Variants in AIG1 observed in about 807,000 individuals in gnomAD.
AIG1 encodes the protein androgen induced 1.
Under a neutral mutation model 31.4 loss-of-function variants are expected in AIG1, and 23 were observed. The observed-to-expected ratio is 0.73, with a 90% CI of 0.53 to 1.04. The LOEUF (loss-of-function observed/expected upper bound fraction) is 1.04, where lower values mean the gene tolerates loss of function less well. Ranked by LOEUF, AIG1 falls within the 50% of genes least tolerant of loss-of-function variation. AIG1 has a pLI of 0.00. For synonymous variants in AIG1, 100 were observed against 110.5 expected (o/e 0.90, Z 0.60); for missense variants, 274 against 295.0 (o/e 0.93, Z 0.52).
At chr6:143,191,930 T>C (rs1236861441) in intron 3 of AIG1, among the ~76,000 whole-genome samples, 1 of 148,092 alleles carries the variant, frequency 6.8e-6, no homozygotes, top group Non-Finnish European at 1.5e-5. Flanking sequence ...AGTTTTGTTA[T>C]ATAAGTGGTA....
chr6:143,185,972 T>A (rs1468472929), intron 3 of AIG1, among the ~76,000 whole-genome samples: 1 of 152,186 alleles, frequency 6.6e-6, no homozygotes, highest in Non-Finnish European at 1.5e-5. Flanking sequence ...ATAGAACCCT[T>A]GTCAAGCTGA....
intron 3 of AIG1, among the ~76,000 whole-genome samples, chr6:143,276,061 G>A (rs1013534987): frequency 2.0e-5 from 3 of 152,122 alleles, no homozygotes; most frequent in African/African-American, 7.2e-5. Flanking sequence ...AGCACCTCCT[G>A]GGTGTCCTCA....
chr6:143,258,070 C>G lies in AIG1; in HGVS notation c.400-26040C>G, dbSNP rs146209227. On this transcript the variant is annotated intron_variant, in intron 3 of 5. Transcript: ENST00000357847. The surrounding 1 kb of genome is among the most constrained non-coding windows in gnomAD (Gnocchi z 4.7). The stretch of plus-strand genomic sequence containing the variant: ...GCCTGTTATAAGCCAACCTGATGCC[C>G]AGAGTCCTCCAATTGAATCCATGGT... Among the ~76,000 whole-genome samples the G allele has an allele frequency of 7.8e-3, 1,193 of 152,282 alleles. 12 individuals carry two copies. The highest frequency in any genetic ancestry group is 0.027 in the African/African-American group (1,131 of 41,556).
At chr6:143,343,589 G>A (rs1002306977), downstream of AIG1, among the ~76,000 whole-genome samples, 5 of 152,086 alleles carry the variant, frequency 3.3e-5, no homozygotes, top group East Asian at 1.9e-4. Context: ...CATCTAGTTC[G>A]TAAAAAATAA....
chr6:143,241,232 A>G (rs1794212729), intron 3 of AIG1, among the ~76,000 whole-genome samples: 1 of 152,242 alleles, frequency 6.6e-6, no homozygotes, highest in South Asian at 2.1e-4. Flanking sequence ...GGAAAGAAAC[A>G]AGCCCTGGGA....
At chr6:143,143,033 C>T (rs1435606697) in intron 2 of AIG1, among the ~76,000 whole-genome samples, 4 of 151,968 alleles carry the variant, frequency 2.6e-5, no homozygotes, top group Non-Finnish European at 5.9e-5. Flanking sequence ...AGTTTCATTA[C>T]TGATTTTTAA....
At position 143,299,032 on chromosome 6, in the gene AIG1, G is replaced by T. The variant is rs1003478137; in HGVS notation, c.515+14807G>T. 3.9e-5 allele frequency: 6 copies of T among 152,110 alleles called. No homozygotes were observed. Among genetic ancestry groups the T allele is most frequent in the Non-Finnish European group, 8.8e-5 (6 of 68,042 alleles). The allele number at this position is 152,110 out of a possible 1,614,324, so 9.4% of individuals were successfully genotyped here. On this transcript the variant is annotated intron_variant, in intron 4 of 5. Transcript: ENST00000357847. The surrounding 1 kb of genome is among the most constrained non-coding windows in gnomAD (Gnocchi z 4.1). The stretch of plus-strand genomic sequence containing the variant: ...TTCTAATATAAGCATCACATCTCAT[G>T]GGTGACATGGAAGTGCTATCTTGAG...
In AIG1 at chr6:143,258,538, T is replaced by G. The variant is rs1795523382; in HGVS notation, c.400-25572T>G. On this transcript the variant is annotated intron_variant, in intron 3 of 5. Coordinates refer to ENST00000357847, the MANE Select transcript of AIG1 (RefSeq NM_016108.4). The surrounding 1 kb of genome is among the most constrained non-coding windows in gnomAD (Gnocchi z 4.7). ...TTTTCTTCTTGCAAATGCTTCTGAC[T>G]GCAGCCTCTGCCAGCTAATGGAGGT... is the stretch of plus-strand genomic sequence containing the variant. Among the ~76,000 whole-genome samples the G allele has an allele frequency of 6.6e-6, 1 of 152,236 alleles. No individual in the cohort carries two copies. Among genetic ancestry groups the G allele is most frequent in the African/African-American group, 2.4e-5 (1 of 41,454 alleles).
At chr6:143,341,821 G>A (rs560141477), downstream of AIG1, among the ~76,000 whole-genome samples, 40 of 152,356 alleles carry the variant, frequency 2.6e-4, 1 homozygote, top group African/African-American at 9.1e-4. Context: ...ATAAATTATT[G>A]TAAGCTTACT....
chr6:143,318,174 A>C (rs1775919800), intron 4 of AIG1, among the ~76,000 whole-genome samples: 1 of 151,262 alleles, frequency 6.6e-6, no homozygotes, highest in South Asian at 2.1e-4. Flanking sequence ...AACCAAAAAA[A>C]TGCAAGACTA....
chr6:143,161,035 T>A (rs1001379181), intron 2 of AIG1, among the ~76,000 whole-genome samples: 1 of 152,188 alleles, frequency 6.6e-6, no homozygotes, highest in Non-Finnish European at 1.5e-5. Flanking sequence ...GATATGTTAG[T>A]AAATATTTAA....
At chr6:143,277,312 T>C (rs1797007168) in intron 3 of AIG1, among the ~76,000 whole-genome samples, 1 of 152,230 alleles carries the variant, frequency 6.6e-6, no homozygotes, top group Non-Finnish European at 1.5e-5. Flanking sequence ...CTTTTCATAC[T>C]ATTCTTATTT....
intron 3 of AIG1, chr6:143,190,305 C>G (rs1789673068): frequency 1.0e-6 from 1 of 985,292 alleles, no homozygotes; most frequent in African/African-American, 1.7e-5. Flanking sequence ...AATAAAAAGA[C>G]AAGGCCCAGG....
At chr6:143,134,289 T>G (rs1783528821) in intron 1 of AIG1, among the ~76,000 whole-genome samples, 1 of 151,982 alleles carries the variant, frequency 6.6e-6, no homozygotes, top group Non-Finnish European at 1.5e-5. Context: ...ATGTTATTAA[T>G]TCCCATGCAT....
At chr6:143,269,402 TTGACTC>T (rs1796352938) in intron 3 of AIG1, among the ~76,000 whole-genome samples, 1 of 152,202 alleles carries the variant, frequency 6.6e-6, no homozygotes, top group Non-Finnish European at 1.5e-5. Flanking sequence ...GGAAAACTCT[TTGACTC>T]TGTCTGTTAA....
intron 4 of AIG1, among the ~76,000 whole-genome samples, chr6:143,307,832 G>C (rs1254225867): frequency 6.6e-6 from 1 of 152,240 alleles, no homozygotes; most frequent in Non-Finnish European, 1.5e-5. Flanking sequence ...AGGCAGGCAG[G>C]CCTCCCTGAG....
At chr6:143,290,721 T>C (rs1308645033) in intron 4 of AIG1, among the ~76,000 whole-genome samples, 1 of 152,140 alleles carries the variant, frequency 6.6e-6, no homozygotes, top group Admixed American at 6.5e-5. Context: ...CGACTGACCA[T>C]CACCTGATGG....
At chr6:143,187,141 C>T (rs1435668251) in intron 3 of AIG1, among the ~76,000 whole-genome samples, 1 of 152,088 alleles carries the variant, frequency 6.6e-6, no homozygotes, top group Non-Finnish European at 1.5e-5. Context: ...ATTTGTACTC[C>T]TAACAAAAAA....
At position 143,329,176 on chromosome 6, in the gene AIG1, A is replaced by G. The variant is rs1776869955; in HGVS notation, c.516-4106A>G. The stretch of plus-strand genomic sequence containing the variant: ...TAACAAGTTAAGAAAACCAAACCAA[A>G]ACAAACAAGAAACGCTCAATTCCAT... On this transcript the variant is annotated intron_variant, in intron 4 of 5. Coordinates refer to ENST00000357847, the MANE Select transcript of AIG1 (RefSeq NM_016108.4). The surrounding 1 kb of genome is among the most constrained non-coding windows in gnomAD (Gnocchi z 4.9). Among the ~76,000 whole-genome samples the G allele has an allele frequency of 6.6e-6, 1 of 152,250 alleles. No homozygotes were observed. The highest frequency in any genetic ancestry group is 1.5e-5 in the Non-Finnish European group (1 of 68,032).
Sources: allele counts gnomAD v4.1 joint callset (sites outside exome capture counted in the v4.1 genomes callset), GRCh38; gene constraint gnomAD v4.1.1; non-coding constraint Gnocchi (gnomAD v3.1); transcripts MANE v1.5; gene names NCBI Gene and HGNC (gene_info 2026-07-23, HGNC 2026-07-21).